The following KIF16B variants were observed in gnomAD, a reference collection of about 807,000 sequenced individuals.
KIF16B encodes the protein kinesin family member 16B.
A neutral mutation model predicts 156.3 loss-of-function variants in KIF16B; 98 were observed. The ratio of observed to expected loss-of-function variants is 0.63; its 90% CI spans 0.53 to 0.74. The LOEUF (loss-of-function observed/expected upper bound fraction) is 0.74. KIF16B is among the 30% of genes least tolerant of loss of function. The probability of loss-of-function intolerance (pLI) is 0.00; values close to 1 mark genes in which losing one functional copy is unlikely to be tolerated. For missense variants in KIF16B, 1,421 were observed against 1,606.5 expected, an observed-to-expected ratio of 0.88 and a Z score of 1.97; for synonymous variants, 564 against 583.7, an observed-to-expected ratio of 0.97 and a Z score of 0.49.
intron 3 of KIF16B, among the ~76,000 whole-genome samples, chr20:16,520,573 C>T (rs1438853728): frequency 6.6e-6 from 1 of 152,176 alleles, no homozygotes; most frequent in East Asian, 1.9e-4. Flanking sequence ...GGACAGAGCA[C>T]CTGGGAGAAG....
intron 10 of KIF16B, among the ~76,000 whole-genome samples, chr20:16,503,935 C>CCT: frequency 6.6e-6 from 1 of 152,280 alleles, no homozygotes; most frequent in Non-Finnish European, 1.5e-5. Context: ...ACCAGAACCA[C>CCT]CTCTCTAATA....
At chr20:16,282,955 G>T (rs6043851) in intron 25 of KIF16B, among the ~76,000 whole-genome samples, 43,841 of 152,020 alleles carry the variant, frequency 0.29, 6,453 homozygotes, top group East Asian at 0.39. Flanking sequence ...AACTTCTACT[G>T]AAGTCTACCA....
In KIF16B at chr20:16,552,641, C is replaced by T. The variant is rs539131608; in HGVS notation, c.47+20588G>A. ...GCTTGGAGACCACTGTATCCTGACA[C>T]GCAGCCCAGAGGTTTTTAAAGGTCT... On this transcript the variant is annotated intron_variant, in intron 1 of 25. Coordinates refer to ENST00000354981, the MANE Select transcript of KIF16B (RefSeq NM_024704.5). Among the ~76,000 whole-genome samples the T allele has an allele frequency of 9.4e-4, 143 of 152,272 alleles. 1 individual carries two copies. The highest frequency in any genetic ancestry group is 3.3e-3 in the African/African-American group (138 of 41,556).
intron 23 of KIF16B, among the ~76,000 whole-genome samples, chr20:16,342,602 A>C (rs997954259): frequency 1.3e-5 from 2 of 152,174 alleles, no homozygotes; most frequent in African/African-American, 4.8e-5. Flanking sequence ...AACTGCAGAG[A>C]ATATGGTGCA....
At chr20:16,385,331 G>A (rs376005833) in intron 17 of KIF16B, among the ~76,000 whole-genome samples, 1 of 152,112 alleles carries the variant, frequency 6.6e-6, no homozygotes, top group East Asian at 1.9e-4. Context: ...GACAAAACTT[G>A]GCAACTGGTG....
At chr20:16,381,451 C>T (rs1207095212) in intron 18 of KIF16B, among the ~76,000 whole-genome samples, 3 of 151,060 alleles carry the variant, frequency 2.0e-5, no homozygotes, top group Non-Finnish European at 4.4e-5. Flanking sequence ...TGCCTACTGA[C>T]TCTATTTCCC....
intron 12 of KIF16B, among the ~76,000 whole-genome samples, chr20:16,456,097 C>CAATACAATACAATACAATAT (rs2067205471): frequency 2.3e-4 from 5 of 21,344 alleles, no homozygotes; most frequent in African/African-American, 1.1e-3. Flanking sequence ...CTACTGGAGC[C>CAATACAATACAATACAATAT]AATACAATAC....
At chr20:16,322,088 A>G (rs2063779685) in intron 24 of KIF16B, among the ~76,000 whole-genome samples, 2 of 152,032 alleles carry the variant, frequency 1.3e-5, no homozygotes, top group South Asian at 4.1e-4. Flanking sequence ...ACAATAGCAT[A>G]TTTCTTAGGC....
rs769194429 is a variant in KIF16B, at chr20:16,497,683, A to G, written c.1177-5T>C. On this transcript the variant is annotated splice_polypyrimidine_tract_variant and splice_region_variant and intron_variant, in intron 10 of 25. Transcript: ENST00000354981. ...GGGGGAGTCTAAGAGGGCAATCTAC[A>G]ATATAAACCATAAAAGAAATCAGCA... 6.3e-7 allele frequency: 1 copy of G among 1,589,040 alleles called. No individual in the cohort carries two copies.
chr20:16,549,140 C>T (rs1244838465), intron 1 of KIF16B, among the ~76,000 whole-genome samples: 1 of 150,080 alleles, frequency 6.7e-6, no homozygotes, highest in Non-Finnish European at 1.5e-5. Flanking sequence ...ACTGCACCCA[C>T]TAACTCGTCA....
At chr20:16,535,119 G>A (rs538853728) in intron 1 of KIF16B, among the ~76,000 whole-genome samples, 1 of 152,094 alleles carries the variant, frequency 6.6e-6, no homozygotes, top group African/African-American at 2.4e-5. Flanking sequence ...TAATTCTTCT[G>A]ATCCATGAGC....
At chr20:16,385,689 T>G (rs1568921313) in intron 17 of KIF16B, among the ~76,000 whole-genome samples, 1 of 151,796 alleles carries the variant, frequency 6.6e-6, no homozygotes, top group African/African-American at 2.4e-5. Flanking sequence ...AGAAGAGCAG[T>G]GGGGAAGGAG....
chr20:16,561,924 A>G (rs2071077735), intron 1 of KIF16B, among the ~76,000 whole-genome samples: 1 of 152,208 alleles, frequency 6.6e-6, no homozygotes, highest in African/African-American at 2.4e-5. Context: ...CTCAGGAGAC[A>G]TGCTACATTT....
At chr20:16,524,417 C>T (rs199787888) in intron 3 of KIF16B, among the ~76,000 whole-genome samples, 5 of 151,770 alleles carry the variant, frequency 3.3e-5, no homozygotes, top group Non-Finnish European at 5.9e-5. Context: ...AACAAACATA[C>T]GAAAAAAAAG....
At position 16,286,180 on chromosome 20, in the gene KIF16B, T is replaced by G. The variant is rs77295954; in HGVS notation, c.3796-12769A>C. Among the ~76,000 whole-genome samples the G allele has an allele frequency of 2.7e-3, 412 of 152,328 alleles. 5 individuals carry two copies. The highest frequency in any genetic ancestry group is 9.4e-3 in the African/African-American group (389 of 41,574). ...AGTCAATATTTGTTGAATGAAATAA[T>G]GAAGAATGAAGATTATTACAAATAG... On this transcript the variant is annotated intron_variant, in intron 25 of 25. Transcript: ENST00000354981.
At chr20:16,441,875 G>T (rs1045031472) in intron 12 of KIF16B, among the ~76,000 whole-genome samples, 1 of 152,080 alleles carries the variant, frequency 6.6e-6, no homozygotes, top group African/African-American at 2.4e-5. Context: ...AGTAAAGCAG[G>T]CACCCTCTTA....
At chr20:16,506,880 A>G (rs900806603) in intron 7 of KIF16B, among the ~76,000 whole-genome samples, 35 of 151,910 alleles carry the variant, frequency 2.3e-4, no homozygotes, top group African/African-American at 8.2e-4. Context: ...GGATCGCTTG[A>G]GCCCAGGAGT....
At chr20:16,475,494 A>G (rs941840697) in intron 12 of KIF16B, among the ~76,000 whole-genome samples, 2 of 152,196 alleles carry the variant, frequency 1.3e-5, no homozygotes, top group African/African-American at 4.8e-5. Flanking sequence ...TTTCTGTGTA[A>G]ACAAGGAAGG....
At chr20:16,333,175 C>G (rs1478341818) in intron 24 of KIF16B, among the ~76,000 whole-genome samples, 1 of 152,156 alleles carries the variant, frequency 6.6e-6, no homozygotes, top group African/African-American at 2.4e-5. Flanking sequence ...CTTGGTTCTA[C>G]TGCAGGGCCT....
Sources: gnomAD v4.1 joint callset for allele counts (sites outside exome capture counted in the v4.1 genomes callset) on GRCh38, gnomAD v4.1.1 for gene constraint, MANE v1.5 for transcripts, NCBI Gene and HGNC (gene_info 2026-07-23, HGNC 2026-07-21) for gene names.